The following LCP2 variants were observed in gnomAD, a reference collection of about 807,000 sequenced individuals.
The protein encoded by LCP2 is lymphocyte cytosolic protein 2.
A neutral mutation model predicts 74.5 loss-of-function variants in LCP2; 29 were observed. The ratio of observed to expected loss-of-function variants is 0.39; its 90% CI spans 0.29 to 0.53. The LOEUF (loss-of-function observed/expected upper bound fraction) is 0.53. LCP2 is among the 20% of genes least tolerant of loss of function. The pLI, the probability that LCP2 is intolerant of heterozygous loss-of-function variation, is 0.72. For missense variants in LCP2, 604 were observed against 634.6 expected (o/e 0.95, Z 0.52); for synonymous variants, 228 against 229.5 (o/e 0.99, Z 0.06).
chr5:170,261,110 C>G lies in LCP2; in HGVS notation c.954G>C (p.Glu318Asp), dbSNP rs1761641476. Residue 318 changes from glutamate (E) to aspartate (D), a missense_variant, in exon 14 of 21, where the codon GAG becomes GAC. Transcript: ENST00000046794. ...PKHGWGPDRRENDEDDVHQRP... is the reference protein window; with the variant it reads ...PKHGWGPDRRDNDEDDVHQRP... ...CAAACTGACATTTTGTACTTACATT[C>G]TCTCTTCTGTCTGGTCCCCATCCAT... 1.2e-5 allele frequency: 20 copies of G among 1,602,308 alleles called. No homozygotes were observed. The highest frequency in any genetic ancestry group is 1.7e-5 in the Non-Finnish European group (20 of 1,169,518).
At chr5:170,287,311 G>T (rs1196479960) in intron 3 of LCP2, among the ~76,000 whole-genome samples, 1 of 152,198 alleles carries the variant, frequency 6.6e-6, no homozygotes, top group Non-Finnish European at 1.5e-5. Context: ...AAACAACGGG[G>T]CTTTGTGTTT....
chr5:170,278,894 T>C (rs1028971871), intron 3 of LCP2, among the ~76,000 whole-genome samples: 1 of 151,284 alleles, frequency 6.6e-6, no homozygotes, highest in Non-Finnish European at 1.5e-5. Context: ...CCTCCTGCTT[T>C]AAGGGGCTAC....
chr5:170,284,100 C>T (rs1332457393), intron 3 of LCP2, among the ~76,000 whole-genome samples: 1 of 152,212 alleles, frequency 6.6e-6, no homozygotes, highest in Non-Finnish European at 1.5e-5. Flanking sequence ...AGTTATCTAA[C>T]AGCAGTTCAT....
intron 2 of LCP2, among the ~76,000 whole-genome samples, chr5:170,290,846 T>C (rs1335870355): frequency 6.6e-6 from 1 of 151,946 alleles, no homozygotes; most frequent in Non-Finnish European, 1.5e-5. Context: ...TTTTTATAAC[T>C]TCTAGAAGCA....
In LCP2 at chr5:170,282,768, C is replaced by T. The variant is rs75991884; in HGVS notation, c.188+5202G>A. ...TTATACAGATAAGGAAGCTGAGGCT[C>T]GGAGAGCTGAGCTAGCTTGCCCTCA... On this transcript the variant is annotated intron_variant, in intron 3 of 20. Transcript: ENST00000046794. Among the ~76,000 whole-genome samples, 640 of 152,286 alleles carry T rather than the reference C, an allele frequency of 4.2e-3. 3 individuals are homozygous for T. Among genetic ancestry groups the T allele is most frequent in the African/African-American group, 0.014 (592 of 41,544 alleles).
rs192729800 is a variant in LCP2, at chr5:170,291,318, G to A, written c.141+1992C>T. On this transcript the variant is annotated intron_variant, in intron 2 of 20. Transcript: ENST00000046794. ...CCTGGATATTACAGAGCTGGAAAGG[G>A]TGATAGATTAGTAATTAGAGCTTAG... Among the ~76,000 whole-genome samples the A allele has an allele frequency of 5.9e-5, 9 of 152,306 alleles. No individual in the cohort carries two copies. The East Asian group carries it at 7.7e-4, about 13-fold the overall frequency.
At position 170,258,080 on chromosome 5, in the gene LCP2, T is replaced by G; in HGVS notation, c.1057A>C (p.Asn353His). 1 of 1,613,966 alleles carries G rather than the reference T, an allele frequency of 6.2e-7. No homozygotes were observed. Among genetic ancestry groups the G allele is most frequent in the Non-Finnish European group, 8.5e-7 (1 of 1,179,834 alleles). ...GGCATGTGAGAGGATGGGAGAGGGT[T>G]CATGGGACTTGGCTTAGTAGATCTT... Reference protein sequence around the residue: ...PSRSTKPSPMNPLPSSHMPGA... With the variant: ...PSRSTKPSPMHPLPSSHMPGA... Residue 353 changes from asparagine (N) to histidine (H), a missense_variant, in exon 16 of 21, where the codon AAC becomes CAC. By Grantham distance (68) the Asn-to-His change is moderately conservative. Transcript: ENST00000046794.
At chr5:170,258,650 T>C (rs1212407571) in intron 15 of LCP2, among the ~76,000 whole-genome samples, 2 of 152,270 alleles carry the variant, frequency 1.3e-5, no homozygotes, top group Non-Finnish European at 2.9e-5. Flanking sequence ...TAATCTGCAC[T>C]GTTACACATG....
At chr5:170,263,119 A>G in intron 10 of LCP2, 127 bp from the exon 11 acceptor site, 1 of 1,119,890 alleles carries the variant, frequency 8.9e-7, no homozygotes, top group Non-Finnish European at 1.3e-6. Flanking sequence ...AGCATTAAAG[A>G]ATCAGAAACT....
At position 170,293,356 on chromosome 5, in the gene LCP2, C is replaced by T; in HGVS notation, c.95G>A (p.Cys32Tyr). 2 of 1,601,728 alleles carry T rather than the reference C, an allele frequency of 1.2e-6. No individual in the cohort carries two copies. The highest frequency in any genetic ancestry group is 1.7e-6 in the Non-Finnish European group (2 of 1,173,746). The change falls in exon 2 of 21, where the codon TGT (cysteine) becomes TAT (tyrosine). Residue 32 changes from cysteine to tyrosine, a missense_variant. Physicochemically the swap from Cys to Tyr is radical, Grantham distance 194 (BLOSUM62 -2). Coordinates refer to ENST00000046794, the MANE Select transcript of LCP2 (RefSeq NM_005565.5). ...GTGGTACTTCTTCACTGCCTTCTCACAGTCCTTATAGTTGAGCTGCAAAGA... is the reference window on the plus strand; with the variant it reads ...GTGGTACTTCTTCACTGCCTTCTCATAGTCCTTATAGTTGAGCTGCAAAGA... ...DYFKKLNYKD[C>Y]EKAVKKYHID...
intron 16 of LCP2, 51 bp downstream of exon 16, chr5:170,257,986 G>A: frequency 6.3e-7 from 1 of 1,587,854 alleles, no homozygotes; most frequent in South Asian, 1.1e-5. Context: ...TTCAGTACTG[G>A]ATGGACCTAA....
intron 14 of LCP2, among the ~76,000 whole-genome samples, chr5:170,259,259 A>G (rs1428215696): frequency 1.3e-5 from 2 of 152,232 alleles, no homozygotes; most frequent in Non-Finnish European, 2.9e-5. Flanking sequence ...TCCTCATTTT[A>G]CAAAAGCATG....
chr5:170,261,783 T>C (rs920538599), intron 13 of LCP2, among the ~76,000 whole-genome samples: 3 of 152,198 alleles, frequency 2.0e-5, no homozygotes, highest in Non-Finnish European at 2.9e-5. Context: ...TATAATGTCC[T>C]CTCTGGGGAG....
intron 2 of LCP2, 35 bp downstream of exon 2, chr5:170,293,275 C>T (rs1248770684): frequency 1.3e-6 from 2 of 1,593,450 alleles, no homozygotes; most frequent in South Asian, 1.1e-5. Flanking sequence ...GCCGAACAGT[C>T]TTGGTTTCAG....
chr5:170,255,195 A>G (rs1761528118), intron 17 of LCP2, among the ~76,000 whole-genome samples: 1 of 152,366 alleles, frequency 6.6e-6, no homozygotes, highest in South Asian at 2.1e-4. Flanking sequence ...TGTGAAAACC[A>G]TGTGGTGAAC....
rs1167204678 is a variant in LCP2 at position 170,262,767 on chromosome 5, G to A, written c.819-25C>T. 3 of 1,613,096 alleles carry A rather than the reference G, an allele frequency of 1.9e-6. No individual in the cohort carries two copies. The African/African-American group carries it at 4.0e-5, about 22-fold the overall frequency. On this transcript the variant is annotated intron_variant, in intron 12 of 20. Coordinates refer to ENST00000046794, the MANE Select transcript of LCP2 (RefSeq NM_005565.5). ...CCTGTGGAGTTCAGGAAAAGGATGT[G>A]TAAGAAACAAACTTTGCCGAGGCAG...
chr5:170,260,015 G>T (rs1031474762), intron 14 of LCP2, among the ~76,000 whole-genome samples: 2 of 152,200 alleles, frequency 1.3e-5, no homozygotes, highest in Non-Finnish European at 2.9e-5. Flanking sequence ...CCAAGCCACT[G>T]TTCTCACTGT....
At chr5:170,265,563 G>C (rs1303064419) in intron 10 of LCP2, among the ~76,000 whole-genome samples, 1 of 152,192 alleles carries the variant, frequency 6.6e-6, no homozygotes, top group Non-Finnish European at 1.5e-5. Flanking sequence ...GTAGTGAGCA[G>C]GGTTGGAATC....
chr5:170,294,207 A>G (rs1170266519), intron 1 of LCP2, among the ~76,000 whole-genome samples: 2 of 152,234 alleles, frequency 1.3e-5, no homozygotes, highest in Non-Finnish European at 2.9e-5. Flanking sequence ...TAAAATGAGC[A>G]AATGAAAATG....
Sources: gnomAD v4.1 joint callset for allele counts (sites outside exome capture counted in the v4.1 genomes callset) on GRCh38, gnomAD v4.1.1 for gene constraint, MANE v1.5 for transcripts, NCBI Gene and HGNC (gene_info 2026-07-23, HGNC 2026-07-21) for gene names.